Variants in NPAS3 observed in about 807,000 individuals in gnomAD.
NPAS3 encodes the protein neuronal PAS domain-containing protein 3.
NPAS3 carries 14 observed loss-of-function variants against 73.1 expected under a neutral mutation model. The observed-to-expected ratio is 0.19, with a 90% confidence interval of 0.13 to 0.30. The LOEUF is 0.30. Among genes scored for constraint, NPAS3 ranks in the 10% least tolerant of loss-of-function variants. The probability of loss-of-function intolerance (pLI) is 1.00; values close to 1 mark genes in which losing one functional copy is unlikely to be tolerated. For synonymous variants in NPAS3, 620 were observed against 541.5 expected (o/e 1.14, Z -2.01); for missense variants, 1,096 against 1,250.0 (o/e 0.88, Z 1.86).
intron 5 of NPAS3, among the ~76,000 whole-genome samples, chr14:33,664,582 C>A (rs1354508586): frequency 3.3e-5 from 5 of 152,170 alleles, no homozygotes; most frequent in African/African-American, 9.7e-5. Flanking sequence ...AACAGGCAAT[C>A]TACAGAATGG....
chr14:33,191,819 G>GTTAT (rs1402584591), intron 2 of NPAS3, among the ~76,000 whole-genome samples: 3 of 152,148 alleles, frequency 2.0e-5, no homozygotes, highest in Admixed American at 6.5e-5. Flanking sequence ...AAGCAACCAT[G>GTTAT]TTATTTTATT....
At chr14:33,798,349 G>C (rs1423124123) in intron 11 of NPAS3, among the ~76,000 whole-genome samples, 3 of 152,052 alleles carry the variant, frequency 2.0e-5, no homozygotes, top group African/African-American at 7.2e-5. Flanking sequence ...CACACATAAG[G>C]CCAGGGAGCA....
At chr14:33,034,366 A>G (rs927252441) in intron 1 of NPAS3, among the ~76,000 whole-genome samples, 4 of 151,860 alleles carry the variant, frequency 2.6e-5, no homozygotes, top group Non-Finnish European at 2.9e-5. Context: ...TGTGATAAAT[A>G]TTATTTATAC....
chr14:33,488,198 C>T (rs1217198757), intron 4 of NPAS3, among the ~76,000 whole-genome samples: 1 of 151,948 alleles, frequency 6.6e-6, no homozygotes, highest in African/African-American at 2.4e-5. Context: ...AGACAGAAAA[C>T]AGCATCAGTA....
At chr14:33,324,768 A>G (rs2043615241) in intron 3 of NPAS3, among the ~76,000 whole-genome samples, 1 of 151,742 alleles carries the variant, frequency 6.6e-6, no homozygotes, top group Non-Finnish European at 1.5e-5. Context: ...AATTTTGAGA[A>G]CTCCTGAATA....
chr14:33,606,823 T>C (rs1007950263), intron 5 of NPAS3, among the ~76,000 whole-genome samples: 12 of 152,164 alleles, frequency 7.9e-5, no homozygotes, highest in Admixed American at 4.6e-4. Flanking sequence ...GAAGGAAACA[T>C]TTGTAAATCA....
chr14:33,685,259 G>A (rs555266472), intron 6 of NPAS3, among the ~76,000 whole-genome samples: 5 of 152,192 alleles, frequency 3.3e-5, no homozygotes, highest in Non-Finnish European at 7.3e-5. Context: ...ACTATGGTGC[G>A]TAAGTAGGAT....
intron 4 of NPAS3, among the ~76,000 whole-genome samples, chr14:33,406,588 C>T (rs1011811151): frequency 2.0e-5 from 3 of 152,118 alleles, no homozygotes; most frequent in Non-Finnish European, 1.5e-5. Context: ...CATGCCTCCA[C>T]CTTTACCAAA....
chr14:33,767,365 TTTCGGCA>T (rs1337088353), intron 7 of NPAS3, among the ~76,000 whole-genome samples: 1 of 152,048 alleles, frequency 6.6e-6, no homozygotes, highest in African/African-American at 2.4e-5. Context: ...AGCCCTTATC[TTTCGGCA>T]GGTTTCAGGC....
At chr14:33,239,833 C>T (rs1321201772) in intron 3 of NPAS3, among the ~76,000 whole-genome samples, 1 of 151,468 alleles carries the variant, frequency 6.6e-6, no homozygotes, top group Admixed American at 6.6e-5. Context: ...GCTCCCTTCA[C>T]ATACATTTAC....
intron 3 of NPAS3, among the ~76,000 whole-genome samples, chr14:33,354,868 A>G (rs2045260365): frequency 6.6e-6 from 1 of 152,164 alleles, no homozygotes; most frequent in Non-Finnish European, 1.5e-5. Flanking sequence ...GGGTCAACTC[A>G]TCGTCATTTA....
At chr14:33,799,777 C>T (rs374909389) in exon 12 of NPAS3, 14 of 1,603,850 alleles carry the variant, frequency 8.7e-6, no homozygotes, top group African/African-American at 8.0e-5. Flanking sequence ...GGAACCAGTC[C>T]GAGAACAGCG....
intron 1 of NPAS3, among the ~76,000 whole-genome samples, chr14:33,006,551 AT>A (rs1566458009): frequency 6.6e-6 from 1 of 152,186 alleles, no homozygotes; most frequent in African/African-American, 2.4e-5. Context: ...AGACTAAGCA[AT>A]CTGGTTACTA....
intron 4 of NPAS3, among the ~76,000 whole-genome samples, chr14:33,515,635 AG>A (rs2053261191): frequency 6.6e-6 from 1 of 152,100 alleles, no homozygotes; most frequent in African/African-American, 2.4e-5. Flanking sequence ...GGTCCTTTAC[AG>A]GAAAAGGTTG....
At chr14:33,094,023 C>T (rs1372301587) in intron 2 of NPAS3, among the ~76,000 whole-genome samples, 1 of 151,890 alleles carries the variant, frequency 6.6e-6, no homozygotes, top group Non-Finnish European at 1.5e-5. Flanking sequence ...ATGTAAATGA[C>T]AGTTTAATGG....
intron 5 of NPAS3, among the ~76,000 whole-genome samples, chr14:33,653,226 AAATGGCCCCGTATTGCTGAC>A (rs764608037): frequency 1.3e-5 from 2 of 152,190 alleles, no homozygotes; most frequent in Non-Finnish European, 2.9e-5. Flanking sequence ...AGCTACCTAA[AAATGGCCCCGTATTGCTGAC>A]AATGCCTTAA....
intron 2 of NPAS3, among the ~76,000 whole-genome samples, chr14:33,210,767 TAAA>T (rs60878624): frequency 6.6e-6 from 1 of 150,962 alleles, no homozygotes; most frequent in South Asian, 2.1e-4. Flanking sequence ...GTTATTGTAC[TAAA>T]AAAAAAGGCT....
intron 2 of NPAS3, among the ~76,000 whole-genome samples, chr14:33,159,753 C>T (rs544894305): frequency 1.3e-5 from 2 of 152,124 alleles, no homozygotes; most frequent in South Asian, 2.1e-4. Flanking sequence ...CGGGGTTTCA[C>T]CGTGTTAGCC....
intron 3 of NPAS3, among the ~76,000 whole-genome samples, chr14:33,255,924 C>T (rs2048764208): frequency 6.6e-6 from 1 of 152,104 alleles, no homozygotes; most frequent in East Asian, 1.9e-4. Flanking sequence ...AAATGATGAC[C>T]TCAAAGAGAG....
Sources: gnomAD v4.1 joint callset for allele counts (sites outside exome capture counted in the v4.1 genomes callset) on GRCh38, gnomAD v4.1.1 for gene constraint, MANE v1.5 for transcripts, NCBI Gene and HGNC (gene_info 2026-07-23, HGNC 2026-07-21) for gene names.